Variants in TPTE2 observed in about 807,000 individuals in gnomAD.
TPTE2 encodes the protein phosphatidylinositol 3,4,5-trisphosphate 3-phosphatase TPTE2.
A neutral mutation model predicts 78.6 loss-of-function variants in TPTE2; 53 were observed. That is an observed-to-expected ratio of 0.67 (90% CI 0.54 to 0.85). The LOEUF (loss-of-function observed/expected upper bound fraction) is 0.85, where lower values mean the gene tolerates loss of function less well. Among genes scored for constraint, TPTE2 ranks in the 40% least tolerant of loss-of-function variants. TPTE2 has a pLI of 0.00. For synonymous variants in TPTE2, 175 were observed against 206.2 expected (o/e 0.85, Z 1.30); for missense variants, 461 against 623.0 (o/e 0.74, Z 2.77).
chr13:19,478,814 G>A (rs1469326592), intron 4 of TPTE2, among the ~76,000 whole-genome samples: 1 of 152,102 alleles, frequency 6.6e-6, no homozygotes, highest in African/African-American at 2.4e-5. Context: ...TATACACCAT[G>A]GAATACTATG....
chr13:19,560,459 G>C, the TPTE2 span: 1 of 1,605,870 alleles, frequency 6.2e-7, no homozygotes, highest in Non-Finnish European at 8.5e-7. Flanking sequence ...GGCAGTGAGC[G>C]CTGGGCCACA....
chr13:19,560,218 T>C, the TPTE2 span: 1 of 823,952 alleles, frequency 1.2e-6, no homozygotes, highest in South Asian at 1.6e-5. Context: ...CAGGGCCTCG[T>C]GCGGAGCTTC....
At chr13:19,520,901 T>C (rs1675030951) in intron 1 of TPTE2, among the ~76,000 whole-genome samples, 1 of 152,072 alleles carries the variant, frequency 6.6e-6, no homozygotes, top group African/African-American at 2.4e-5. Context: ...TTGGTGAATT[T>C]CCCAAATTTC....
chr13:19,482,647 T>G (rs1353028455), intron 3 of TPTE2, 100 bp from the exon 7 acceptor site: 2 of 1,456,328 alleles, frequency 1.4e-6, no homozygotes, highest in East Asian at 4.8e-5. Context: ...CCCATGAATC[T>G]AAAGGATATA....
chr13:19,482,034 A>C (rs1880386124), intron 4 of TPTE2, among the ~76,000 whole-genome samples: 1 of 152,124 alleles, frequency 6.6e-6, no homozygotes, highest in African/African-American at 2.4e-5. Flanking sequence ...AGAAACAAAT[A>C]AGAATAAAAT....
intron 1 of TPTE2, among the ~76,000 whole-genome samples, chr13:19,497,707 G>T (rs1593399692): frequency 6.6e-6 from 1 of 150,724 alleles, no homozygotes; most frequent in African/African-American, 2.4e-5. Context: ...GGAAAAAACA[G>T]AACAGAAAAA....
At chr13:19,449,132 A>G (rs534521487) in intron 13 of TPTE2, among the ~76,000 whole-genome samples, 1 of 152,192 alleles carries the variant, frequency 6.6e-6, no homozygotes, top group Non-Finnish European at 1.5e-5. Context: ...GGCTGGGGAG[A>G]CAAAACTGGG....
intron 7 of TPTE2, among the ~76,000 whole-genome samples, chr13:19,465,843 T>C (rs1201736857): frequency 6.6e-6 from 1 of 152,202 alleles, no homozygotes; most frequent in Non-Finnish European, 1.5e-5. Context: ...CACCCTCTTA[T>C]GACAATGATC....
chr13:19,498,157 C>G (rs1179613195), intron 1 of TPTE2, among the ~76,000 whole-genome samples: 1 of 151,972 alleles, frequency 6.6e-6, no homozygotes, highest in Non-Finnish European at 1.5e-5. Flanking sequence ...ATGAAAAGAC[C>G]AAATCTACGT....
At chr13:19,453,635 C>A (rs138621762) in intron 10 of TPTE2, among the ~76,000 whole-genome samples, 1 of 150,416 alleles carries the variant, frequency 6.6e-6, no homozygotes, top group African/African-American at 2.5e-5. Flanking sequence ...ACTGCAAATA[C>A]CTCTTATCCA....
At chr13:19,496,824 G>C (rs4553454) in intron 1 of TPTE2, among the ~76,000 whole-genome samples, 1 of 152,048 alleles carries the variant, frequency 6.6e-6, no homozygotes, top group Non-Finnish European at 1.5e-5. Flanking sequence ...GAACAGCTCC[G>C]GTCTACAGCT....
chr13:19,505,120 A>T (rs1566069378), upstream of TPTE2, among the ~76,000 whole-genome samples: 1 of 152,110 alleles, frequency 6.6e-6, no homozygotes, highest in African/African-American at 2.4e-5. Flanking sequence ...TTAAATATTC[A>T]TGTGTATATC....
intron 4 of TPTE2, 72 bp downstream of exon 7, chr13:19,482,416 C>A (rs947210832): frequency 4.5e-6 from 7 of 1,550,822 alleles, no homozygotes; most frequent in Admixed American, 1.9e-5. Flanking sequence ...CTTGCCTTAG[C>A]GGAAGCCCTG....
the TPTE2 span, among the ~76,000 whole-genome samples, chr13:19,549,706 T>C: frequency 1.2e-5 from 1 of 80,242 alleles, no homozygotes; most frequent in South Asian, 5.1e-4. Context: ...TGCATATGTA[T>C]GTTCATTGCA....
At chr13:19,425,751 C>T (rs1236038495) in intron 18 of TPTE2, 1 of 516,852 alleles carries the variant, frequency 1.9e-6, no homozygotes, top group Non-Finnish European at 3.9e-6. Context: ...CTCTCTCTCG[C>T]TATTGCTCCC....
chr13:19,523,544 T>C (rs1483587096), intron 1 of TPTE2, among the ~76,000 whole-genome samples: 3 of 152,096 alleles, frequency 2.0e-5, no homozygotes, highest in East Asian at 3.9e-4. Context: ...GGTGCGATCT[T>C]GGCTCACTGC....
At chr13:19,428,763 C>T (rs1430352549) in intron 17 of TPTE2, among the ~76,000 whole-genome samples, 1 of 151,830 alleles carries the variant, frequency 6.6e-6, no homozygotes, top group Non-Finnish European at 1.5e-5. Context: ...AAATAACCAA[C>T]TAACTAACTA....
At chr13:19,503,495 T>A (rs1278298302), upstream of TPTE2, among the ~76,000 whole-genome samples, 1 of 152,210 alleles carries the variant, frequency 6.6e-6, no homozygotes, top group Non-Finnish European at 1.5e-5. Context: ...AGTAATACTT[T>A]CAGATTTAAA....
At chr13:19,542,978 C>CAA in the TPTE2 span, among the ~76,000 whole-genome samples, 6 of 138,410 alleles carry the variant, frequency 4.3e-5, no homozygotes, top group Admixed American at 1.4e-4. Flanking sequence ...GACTCTGTCT[C>CAA]AAAAAAAAAA....
Sources: allele counts gnomAD v4.1 joint callset (sites outside exome capture counted in the v4.1 genomes callset), GRCh38; gene constraint gnomAD v4.1.1; transcripts MANE v1.5; gene names NCBI Gene and HGNC (gene_info 2026-07-23, HGNC 2026-07-21).